CACNA1D: variants seen among roughly 807,000 people sequenced by gnomAD.
CACNA1D encodes the protein voltage-dependent L-type calcium channel subunit alpha-1D.
A neutral mutation model predicts 257.1 loss-of-function variants in CACNA1D; 55 were observed. The observed-to-expected ratio is 0.21, with a 90% CI of 0.17 to 0.27. CACNA1D has a LOEUF of 0.27. Among genes scored for constraint, CACNA1D ranks in the 10% least tolerant of loss-of-function variants. The pLI is 1.00. For synonymous variants in CACNA1D, 980 were observed against 1,014.9 expected, an observed-to-expected ratio of 0.97 and a Z score of 0.65; for missense variants, 1,876 against 2,784.0, an observed-to-expected ratio of 0.67 and a Z score of 7.34.
At chr3:53,809,782 G>C in intron 46 of CACNA1D, 196 bp from the exon 47 acceptor site, 1 of 619,700 alleles carries the variant, frequency 1.6e-6, no homozygotes, top group South Asian at 1.9e-5. Context: ...CGGGGTAAAA[G>C]AAAGCACAGT....
Position 53,752,033 on chromosome 3 carries a change from A to T in CACNA1D, c.3675+126A>T. On this transcript the variant is annotated intron_variant, in intron 28 of 47. Transcript: ENST00000350061. ...GATTTTTCTGATGAGTCTGGGCTAT[A>T]GGTTGGCCAGAGTTCTGTTCTGGCT... 3.3e-6 allele frequency: 3 copies of T among 915,020 alleles called. No individual in the cohort carries two copies. The South Asian group carries it at 3.9e-5, about 12-fold the overall frequency. The allele number at this position is 915,020 out of a possible 1,614,324, so 56.7% of individuals were successfully genotyped here.
At chr3:53,613,346 C>T in intron 3 of CACNA1D, among the ~76,000 whole-genome samples, 1 of 152,090 alleles carries the variant, frequency 6.6e-6, no homozygotes, top group East Asian at 1.9e-4. Context: ...CTCCCTCTTC[C>T]CTCTTCTTCC....
chr3:53,623,058 AT>A, intron 3 of CACNA1D, among the ~76,000 whole-genome samples: 1 of 152,206 alleles, frequency 6.6e-6, no homozygotes, highest in East Asian at 1.9e-4. Flanking sequence ...CGTTTGGCTA[AT>A]TTTTTGTATT....
At chr3:53,643,634 ATTG>A (rs1392941103) in intron 3 of CACNA1D, among the ~76,000 whole-genome samples, 2 of 152,082 alleles carry the variant, frequency 1.3e-5, no homozygotes, top group Non-Finnish European at 2.9e-5. Context: ...GTCATAGACA[ATTG>A]TTGTTTTCCA....
At chr3:53,797,181 C>A (rs1189623800) in intron 40 of CACNA1D, among the ~76,000 whole-genome samples, 1 of 152,148 alleles carries the variant, frequency 6.6e-6, no homozygotes, top group African/African-American at 2.4e-5. Context: ...ATTTTGGGAG[C>A]AGCCTAAGCT....
At chr3:53,676,761 A>G (rs2094381071) in intron 8 of CACNA1D, among the ~76,000 whole-genome samples, 1 of 152,218 alleles carries the variant, frequency 6.6e-6, no homozygotes, top group Admixed American at 6.5e-5. Context: ...GTGTTGTAAC[A>G]CTGATGCTTT....
intron 40 of CACNA1D, among the ~76,000 whole-genome samples, chr3:53,798,298 T>C (rs1293364626): frequency 7.3e-6 from 1 of 137,694 alleles, no homozygotes; most frequent in Non-Finnish European, 1.6e-5. Context: ...GGAAAGTGTG[T>C]GTATGTGTGC....
intron 3 of CACNA1D, among the ~76,000 whole-genome samples, chr3:53,555,437 G>GT (rs2092620730): frequency 1.3e-4 from 16 of 122,914 alleles, no homozygotes; most frequent in African/African-American, 5.5e-4. Flanking sequence ...TTTTCTGGTG[G>GT]GTGTGTGTGT....
chr3:53,694,060 C>A (rs2094552069), intron 8 of CACNA1D, among the ~76,000 whole-genome samples: 1 of 152,204 alleles, frequency 6.6e-6, no homozygotes, highest in South Asian at 2.1e-4. Context: ...CCACCTGCAC[C>A]TCTGTTTGTG....
At chr3:53,728,022 C>A (rs139243437) in intron 15 of CACNA1D, among the ~76,000 whole-genome samples, 1 of 152,182 alleles carries the variant, frequency 6.6e-6, no homozygotes, top group Non-Finnish European at 1.5e-5. Context: ...ACAAGAGCCA[C>A]CCCTGCCCTG....
intron 28 of CACNA1D, among the ~76,000 whole-genome samples, chr3:53,752,358 G>A (rs1439785803): frequency 1.3e-5 from 2 of 152,128 alleles, no homozygotes; most frequent in Non-Finnish European, 1.5e-5. Flanking sequence ...TTAGAGATAA[G>A]GTTTATGCTG....
At position 53,811,964 on chromosome 3, in the gene CACNA1D, C is replaced by A. The variant is rs929643675; in HGVS notation, c.*558C>A. ...GTGTAAGTAAGTCAGAACCCAGCTA[C>A]CAGTGATTATTGCGAGGGCAATGGG... On this transcript the variant is annotated 3_prime_UTR_variant, in exon 48 of 48. Transcript: ENST00000350061. This position sits in a 1 kb window ranked among gnomAD's most constrained non-coding sequence, Gnocchi z 4.2. 20 of 152,610 alleles carry A rather than the reference C, an allele frequency of 1.3e-4. No homozygotes were observed. The highest frequency in any genetic ancestry group is 4.6e-4 in the African/African-American group (19 of 41,416). The allele number at this position is 152,610 out of a possible 1,614,324, so 9.5% of individuals were successfully genotyped here.
chr3:53,655,288 G>A (rs2094137543), intron 4 of CACNA1D, among the ~76,000 whole-genome samples: 1 of 152,164 alleles, frequency 6.6e-6, no homozygotes, highest in Non-Finnish European at 1.5e-5. Context: ...TAACATGCAT[G>A]TGTCTTTATG....
intron 3 of CACNA1D, among the ~76,000 whole-genome samples, chr3:53,536,407 C>T (rs1387852071): frequency 6.6e-6 from 1 of 151,992 alleles, no homozygotes; most frequent in Non-Finnish European, 1.5e-5. Context: ...TAATTGTAAA[C>T]AGCCTTGTTA....
intron 3 of CACNA1D, among the ~76,000 whole-genome samples, chr3:53,525,748 TCA>T (rs1400410878): frequency 2.0e-5 from 3 of 152,092 alleles, no homozygotes; most frequent in African/African-American, 7.2e-5. Flanking sequence ...CTCAAGAAGC[TCA>T]CAGTTCAGTT....
intron 9 of CACNA1D, among the ~76,000 whole-genome samples, chr3:53,713,541 TGTGAGA>T (rs2094785661): frequency 6.3e-5 from 8 of 127,620 alleles, no homozygotes; most frequent in Admixed American, 5.2e-4. Context: ...TGTGTGTGTG[TGTGAGA>T]GATTTGCCTC....
In CACNA1D at chr3:53,800,883, A is replaced by C; in HGVS notation, c.5041-175A>C. The C allele has an allele frequency of 1.5e-6, 1 of 660,846 alleles. No individual in the cohort carries two copies. Among genetic ancestry groups the C allele is most frequent in the Non-Finnish European group, 2.7e-6 (1 of 374,014 alleles). 40.9% of individuals were successfully genotyped at this position (660,846 alleles called of 1,614,324 possible). A position where few individuals can be genotyped will look rare whatever the true frequency, so the allele number is the denominator to read the frequency against. ...CGGTAACCTTCCTCATCTCGGGGGG[A>C]CCAACTGCCACACAGTCACATTCAC... On this transcript the variant is annotated intron_variant, in intron 41 of 47. Transcript: ENST00000350061. This position sits in a 1 kb window ranked among gnomAD's most constrained non-coding sequence, Gnocchi z 4.3.
At chr3:53,643,426 G>T (rs1046419001) in intron 3 of CACNA1D, among the ~76,000 whole-genome samples, 1 of 152,104 alleles carries the variant, frequency 6.6e-6, no homozygotes, top group Non-Finnish European at 1.5e-5. Flanking sequence ...CTCCTGAAAC[G>T]TGTAGGGTCG....
chr3:53,719,839 C>T, intron 11 of CACNA1D, 58 bp downstream of exon 11: 5 of 1,487,262 alleles, frequency 3.4e-6, no homozygotes, highest in African/African-American at 2.8e-5. Context: ...TATGTTCTCA[C>T]TTCTGAATTT....
Sources: gnomAD v4.1 joint callset for allele counts (sites outside exome capture counted in the v4.1 genomes callset) on GRCh38, gnomAD v4.1.1 for gene constraint, Gnocchi (gnomAD v3.1) non-coding constraint, MANE v1.5 for transcripts, NCBI Gene and HGNC (gene_info 2026-07-23, HGNC 2026-07-21) for gene names.